Variants in MYO10 observed in about 807,000 individuals in gnomAD.
The protein encoded by MYO10 is myosin X.
In MYO10, 133 loss-of-function variants were observed where a neutral mutation model predicts 257.3. The observed-to-expected ratio is 0.52, with a 90% confidence interval of 0.45 to 0.60. The LOEUF is 0.60. Ranked by LOEUF, MYO10 falls within the 20% of genes least tolerant of loss-of-function variation. MYO10 has a pLI of 0.00. For missense variants in MYO10, 2,399 were observed against 2,635.7 expected (o/e 0.91, Z 1.97); for synonymous variants, 1,104 against 1,028.6 (o/e 1.07, Z -1.40).
At position 16,665,465 on chromosome 5, in the gene MYO10, T is replaced by C. The variant is rs984932230; in HGVS notation, c.*1227A>G. ...AAAAATAAAAAGTCCAAGACCAGAT[T>C]ATTTTTCTTCTGGTCATAAATGCTG... On this transcript the variant is annotated 3_prime_UTR_variant, in exon 41 of 41. Transcript: ENST00000513610. 2 of 152,202 alleles carry C rather than the reference T, an allele frequency of 1.3e-5. No homozygotes were observed. Among genetic ancestry groups the C allele is most frequent in the African/African-American group, 4.8e-5 (2 of 41,450 alleles). The allele number at this position is 152,202 out of a possible 1,614,324, so 9.4% of individuals were successfully genotyped here. A position where few individuals can be genotyped will look rare whatever the true frequency, so the allele number is the denominator to read the frequency against.
chr5:16,913,647 G>A lies in MYO10; in HGVS notation c.21+22141C>T, dbSNP rs564409823. Among the ~76,000 whole-genome samples, 4 of 152,348 alleles carry A rather than the reference G, an allele frequency of 2.6e-5. No individual in the cohort carries two copies. The East Asian group carries it at 7.7e-4, about 29-fold the overall frequency. ...GAAACACAGCCAACCCCAGGCAGTG[G>A]ACAAAGCAAGCGTAGGTGTGCAATG... On this transcript the variant is annotated intron_variant, in intron 1 of 40. Transcript: ENST00000513610.
intron 3 of MYO10, among the ~76,000 whole-genome samples, chr5:16,800,689 C>A (rs1011946039): frequency 3.9e-5 from 6 of 152,154 alleles, no homozygotes; most frequent in African/African-American, 1.4e-4. Flanking sequence ...CTCCAATCTG[C>A]TTGGCCTCAC....
intron 2 of MYO10, among the ~76,000 whole-genome samples, chr5:16,824,049 G>A (rs1357883203): frequency 3.3e-5 from 5 of 152,030 alleles, no homozygotes; most frequent in African/African-American, 1.2e-4. Context: ...TTGGCGTGGG[G>A]GCAGAACAAA....
At chr5:16,690,410 T>A (rs1287107382) in intron 27 of MYO10, among the ~76,000 whole-genome samples, 1 of 152,146 alleles carries the variant, frequency 6.6e-6, no homozygotes, top group Non-Finnish European at 1.5e-5. Context: ...TTAGCAATGA[T>A]GAAGACACCC....
chr5:16,766,809 GC>G (rs1352617504), intron 10 of MYO10, among the ~76,000 whole-genome samples: 2 of 132,350 alleles, frequency 1.5e-5, no homozygotes, highest in African/African-American at 5.8e-5. Flanking sequence ...TCACTCTGTA[GC>G]CCAGGCTGGA....
intron 19 of MYO10, among the ~76,000 whole-genome samples, chr5:16,718,142 C>G (rs1236136157): frequency 6.6e-6 from 1 of 152,228 alleles, no homozygotes; most frequent in African/African-American, 2.4e-5. Flanking sequence ...AGTGCCAGCC[C>G]ACCGGCGCTG....
intron 3 of MYO10, among the ~76,000 whole-genome samples, chr5:16,813,325 G>A (rs1165738796): frequency 6.6e-6 from 1 of 152,046 alleles, no homozygotes; most frequent in African/African-American, 2.4e-5. Flanking sequence ...TTCAAGACCA[G>A]CCTGTGCAAC....
At position 16,670,890 on chromosome 5, in the gene MYO10, C is replaced by T. The variant is rs1736424053; in HGVS notation, c.5519G>A (p.Gly1840Glu). The T allele has an allele frequency of 1.9e-6, 3 of 1,613,814 alleles. No individual in the cohort carries two copies. The highest frequency in any genetic ancestry group is 2.5e-6 in the Non-Finnish European group (3 of 1,179,888). Residue 1840 changes from glycine (G) to glutamate (E), a missense_variant, in exon 39 of 41, where the codon GGG (glycine) becomes GAG (glutamate). Physicochemically the swap from Gly to Glu is moderately conservative, Grantham distance 98. This residue lies in a region of MYO10 where 1,820 missense variants were observed against 1,939.4 expected (regional missense o/e 0.94). Transcript: ENST00000513610. Reference sequence around the variant, plus strand: ...GATGGCAGCGTGCAGAGTATAATCCCCCTGCAGATACTGGAGTCGCAGGGC... The same window carrying T: ...GATGGCAGCGTGCAGAGTATAATCCTCCTGCAGATACTGGAGTCGCAGGGC... Reference protein sequence around the residue: ...LAALRLQYLQGDYTLHAAIPP... With the variant: ...LAALRLQYLQEDYTLHAAIPP...
chr5:16,870,180 T>G (rs919148265), intron 2 of MYO10, among the ~76,000 whole-genome samples: 3 of 150,424 alleles, frequency 2.0e-5, no homozygotes, highest in African/African-American at 5.0e-5. Flanking sequence ...AGGGGAGGGC[T>G]CAGAGAATAA....
intron 2 of MYO10, among the ~76,000 whole-genome samples, chr5:16,856,888 G>A (rs1743974768): frequency 6.6e-6 from 1 of 152,168 alleles, no homozygotes; most frequent in African/African-American, 2.4e-5. Flanking sequence ...TGGACAATGG[G>A]ATAAAAGACC....
chr5:16,675,189 G>T (rs752092909), intron 34 of MYO10, 39 bp from the exon 35 acceptor site: 1 of 1,602,630 alleles, frequency 6.2e-7, no homozygotes, highest in African/African-American at 1.3e-5. Flanking sequence ...CATCTGAGGG[G>T]TTCAGAATAG....
chr5:16,695,940 T>G (rs1469935565), intron 26 of MYO10, among the ~76,000 whole-genome samples: 1 of 152,190 alleles, frequency 6.6e-6, no homozygotes, highest in Non-Finnish European at 1.5e-5. Context: ...AGCCGTGTCC[T>G]AACATATGGC....
intron 1 of MYO10, among the ~76,000 whole-genome samples, chr5:16,879,944 G>A (rs763411847): frequency 6.6e-5 from 10 of 152,160 alleles, no homozygotes; most frequent in East Asian, 1.9e-4. Flanking sequence ...TTCGAAGGCC[G>A]AGATGGGTAG....
At chr5:16,673,477 CTG>C (rs1233697985) in intron 36 of MYO10, among the ~76,000 whole-genome samples, 1 of 152,106 alleles carries the variant, frequency 6.6e-6, no homozygotes, top group African/African-American at 2.4e-5. Flanking sequence ...TACTTTATCT[CTG>C]TGTTTCCACT....
intron 2 of MYO10, among the ~76,000 whole-genome samples, chr5:16,862,191 G>A (rs556796693): frequency 3.9e-5 from 6 of 152,180 alleles, no homozygotes; most frequent in Non-Finnish European, 8.8e-5. Flanking sequence ...TGGCACCCTG[G>A]GTTGGAACTC....
rs1746427938 is a variant in MYO10, at chr5:16,935,861, A to G, written c.-53T>C. ...AGTGCCGCTCCGACTCGCGGAAGTC[A>G]GCGCCGCCGCGGGTCCGGGGAAACC... On this transcript the variant is annotated 5_prime_UTR_variant, in exon 1 of 41. An upstream open reading frame in the 5' UTR loses its in-frame stop. Coordinates refer to ENST00000513610, the MANE Select transcript of MYO10 (RefSeq NM_012334.3). The G allele has an allele frequency of 1.2e-6, 2 of 1,605,710 alleles. No homozygotes were observed.
intron 19 of MYO10, among the ~76,000 whole-genome samples, chr5:16,740,247 G>T (rs1432268823): frequency 1.3e-5 from 2 of 152,142 alleles, no homozygotes; most frequent in Non-Finnish European, 2.9e-5. Flanking sequence ...CTTTGTAGCC[G>T]CTGGGGGAGC....
At position 16,683,831 on chromosome 5, in the gene MYO10, C is replaced by A. The variant is rs768263828; in HGVS notation, c.4046+49G>T. 16 of 1,555,724 alleles carry A rather than the reference C, an allele frequency of 1.0e-5. No individual in the cohort carries two copies. In the East Asian group the frequency reaches 3.6e-4, roughly 35 times the overall value. ...ACCCAGCAGCACAGACACCTGTGGA[C>A]ACACACAGGTGATGAGCTGTTTTTG... On this transcript the variant is annotated intron_variant, in intron 30 of 40. Transcript: ENST00000513610.
intron 9 of MYO10, among the ~76,000 whole-genome samples, chr5:16,778,783 C>T (rs912248368): frequency 1.6e-4 from 24 of 150,144 alleles, no homozygotes; most frequent in Non-Finnish European, 2.7e-4. Flanking sequence ...CTCCGCCTCC[C>T]GGGTTCACGC....
Sources: allele counts gnomAD v4.1 joint callset (sites outside exome capture counted in the v4.1 genomes callset), GRCh38; gene constraint gnomAD v4.1.1; regional missense constraint gnomAD v4.1.1; transcripts MANE v1.5; gene names NCBI Gene and HGNC (gene_info 2026-07-23, HGNC 2026-07-21).